The following TPD52L1 variants were observed in gnomAD, a reference collection of about 807,000 sequenced individuals.
TPD52L1 encodes tumor protein D53.
Under a neutral mutation model 28.7 loss-of-function variants are expected in TPD52L1, and 18 were observed. The ratio of observed to expected loss-of-function variants is 0.63; its 90% confidence interval spans 0.43 to 0.93. TPD52L1 has a LOEUF of 0.93. Ranked by LOEUF, TPD52L1 falls within the 40% of genes least tolerant of loss-of-function variation. TPD52L1 has a pLI of 0.00. For synonymous variants in TPD52L1, 75 were observed against 88.8 expected (o/e 0.84, Z 0.88); for missense variants, 203 against 254.8 (o/e 0.80, Z 1.39).
chr6:125,180,443 T>C (rs1284007755), intron 1 of TPD52L1, among the ~76,000 whole-genome samples: 2 of 152,100 alleles, frequency 1.3e-5, no homozygotes, highest in African/African-American at 4.8e-5. Context: ...TTTTTAAAAT[T>C]GATCAAAAAT....
chr6:125,241,853 T>A (rs1444765362), intron 3 of TPD52L1, among the ~76,000 whole-genome samples: 4 of 151,968 alleles, frequency 2.6e-5, no homozygotes, highest in African/African-American at 9.7e-5. Context: ...TTTTTTTTTT[T>A]CTTCTGCTGG....
At chr6:125,181,361 G>A (rs556424200) in intron 1 of TPD52L1, among the ~76,000 whole-genome samples, 7 of 152,142 alleles carry the variant, frequency 4.6e-5, no homozygotes, top group East Asian at 1.9e-4. Flanking sequence ...AAACATTTAC[G>A]CCAGGATACA....
intron 1 of TPD52L1, among the ~76,000 whole-genome samples, chr6:125,215,514 G>A (rs903336534): frequency 6.6e-6 from 1 of 152,168 alleles, no homozygotes; most frequent in Admixed American, 6.5e-5. Context: ...AGGATGAGGA[G>A]AGCTTAAACC....
intron 6 of TPD52L1, among the ~76,000 whole-genome samples, chr6:125,259,352 G>A (rs1797783750): frequency 6.6e-6 from 1 of 152,166 alleles, no homozygotes. Context: ...TGTACCATGT[G>A]GCACTTGTAC....
chr6:125,230,329 T>C (rs1795876055), intron 3 of TPD52L1, among the ~76,000 whole-genome samples: 1 of 152,166 alleles, frequency 6.6e-6, no homozygotes, highest in Non-Finnish European at 1.5e-5. Flanking sequence ...TCTTTTTGTG[T>C]ATTGGGGGTT....
At chr6:125,169,516 C>T (rs987768851) in intron 1 of TPD52L1, among the ~76,000 whole-genome samples, 3 of 152,202 alleles carry the variant, frequency 2.0e-5, no homozygotes, top group African/African-American at 4.8e-5. Context: ...ATGACAACTC[C>T]ATTTCAAATG....
intron 6 of TPD52L1, chr6:125,260,982 A>AAAGAAGG (rs71551733): frequency 2.2e-5 from 1 of 44,762 alleles, no homozygotes; most frequent in Admixed American, 2.7e-4. Context: ...GAAAGAAAAG[A>AAAGAAGG]AAAGAAAGAA....
At chr6:125,238,512 C>A (rs1214594143) in intron 3 of TPD52L1, among the ~76,000 whole-genome samples, 2 of 151,690 alleles carry the variant, frequency 1.3e-5, no homozygotes, top group Admixed American at 1.3e-4. Flanking sequence ...CCCCCTCGAA[C>A]CCTTTCCCCC....
intron 6 of TPD52L1, chr6:125,260,983 A>AAG (rs1361237459): frequency 7.0e-5 from 1 of 14,332 alleles, no homozygotes; most frequent in African/African-American, 4.2e-4. Flanking sequence ...AAAGAAAAGA[A>AAG]AAGAAAGAAA....
intron 1 of TPD52L1, chr6:125,154,561 C>T: frequency 1.0e-6 from 1 of 982,106 alleles, no homozygotes; most frequent in Non-Finnish European, 1.2e-6. Flanking sequence ...GATCGGGGAG[C>T]GACCTCTGCC....
intron 5 of TPD52L1, among the ~76,000 whole-genome samples, chr6:125,255,770 G>T (rs1797560473): frequency 6.6e-6 from 1 of 151,200 alleles, no homozygotes; most frequent in African/African-American, 2.4e-5. Flanking sequence ...AGAATAACAA[G>T]TGCCTTATTA....
At chr6:125,249,083 G>GA (rs557482458) in intron 4 of TPD52L1, among the ~76,000 whole-genome samples, 32 of 145,514 alleles carry the variant, frequency 2.2e-4, no homozygotes, top group East Asian at 4.0e-4. Context: ...GAGGCACCAG[G>GA]AAAAAAAAAA....
Position 125,220,080 on chromosome 6 carries a change from T to G in TPD52L1, c.22T>G (p.Leu8Val), listed in dbSNP as rs373682728. 3.7e-6 allele frequency: 6 copies of G among 1,611,312 alleles called. No individual in the cohort carries two copies. Among genetic ancestry groups the G allele is most frequent in the Non-Finnish European group, 5.1e-6 (6 of 1,177,674 alleles). Residue 8 changes from leucine to valine, a missense_variant and splice_region_variant, in exon 2 of 7, where the codon TTG becomes GTG. Coordinates refer to ENST00000534000, the MANE Select transcript of TPD52L1 (RefSeq NM_003287.4). Reference protein sequence around the residue: MEAQAQGLLETEPLQGTD... With the variant: MEAQAQGVLETEPLQGTD... Reference sequence around the variant, plus strand: ...TGTTTTATCAATTCTGCCTAAAGGTTTGTTGGAGACTGAACCGTTGCAAGG... The same window carrying G: ...TGTTTTATCAATTCTGCCTAAAGGTGTGTTGGAGACTGAACCGTTGCAAGG...
chr6:125,228,564 G>T (rs76159081), intron 2 of TPD52L1, among the ~76,000 whole-genome samples: 1,596 of 152,302 alleles, frequency 0.01, 28 homozygotes, highest in African/African-American at 0.036. Flanking sequence ...ACTGAGACCA[G>T]GCGTGGTGGC....
chr6:125,153,989 C>A lies in TPD52L1; in HGVS notation c.19+19C>A, dbSNP rs1789943108. Reference sequence around the variant, plus strand: ...GCACAAGGTGAGTGGTCGCCGATCGCCCCGAGAGTCAGGTCCTGGGGCGCG... The same window carrying A: ...GCACAAGGTGAGTGGTCGCCGATCGACCCGAGAGTCAGGTCCTGGGGCGCG... On this transcript the variant is annotated intron_variant, in intron 1 of 6. Coordinates refer to ENST00000534000, the MANE Select transcript of TPD52L1 (RefSeq NM_003287.4). 4 of 1,604,696 alleles carry A rather than the reference C, an allele frequency of 2.5e-6. No individual in the cohort carries two copies. The highest frequency in any genetic ancestry group is 2.5e-6 in the Non-Finnish European group (3 of 1,176,748).
chr6:125,197,989 A>C (rs1343414813), intron 1 of TPD52L1, among the ~76,000 whole-genome samples: 1 of 152,186 alleles, frequency 6.6e-6, no homozygotes, highest in African/African-American at 2.4e-5. Flanking sequence ...GGCTCCAGTT[A>C]AATAAGAAGC....
rs1355660603 is a variant in TPD52L1, at chr6:125,264,361, A to C, written c.*1399A>C. 1 of 152,236 alleles carries C rather than the reference A, an allele frequency of 6.6e-6. No individual in the cohort carries two copies. Among genetic ancestry groups the C allele is most frequent in the Non-Finnish European group, 1.5e-5 (1 of 68,046 alleles). The allele number at this position is 152,236 out of a possible 1,614,324, so 9.4% of individuals were successfully genotyped here. On this transcript the variant is annotated 3_prime_UTR_variant, in exon 7 of 7. Transcript: ENST00000534000. Reference sequence around the variant, plus strand: ...TTTGTGTTTATTAAATAGAAGTGATATATATGACATTTTGAAGTAAAGCAC... The same window carrying C: ...TTTGTGTTTATTAAATAGAAGTGATCTATATGACATTTTGAAGTAAAGCAC...
chr6:125,237,875 A>T (rs1158115690), intron 3 of TPD52L1, among the ~76,000 whole-genome samples: 1 of 151,874 alleles, frequency 6.6e-6, no homozygotes, highest in Non-Finnish European at 1.5e-5. Context: ...TGCCAGGCTG[A>T]TCTCTAACTC....
At chr6:125,241,429 G>C (rs1457996872) in intron 3 of TPD52L1, among the ~76,000 whole-genome samples, 1 of 152,030 alleles carries the variant, frequency 6.6e-6, no homozygotes, top group Non-Finnish European at 1.5e-5. Context: ...GATAGAATTA[G>C]CTGTGAATGT....
Sources: allele counts gnomAD v4.1 joint callset (sites outside exome capture counted in the v4.1 genomes callset), GRCh38; gene constraint gnomAD v4.1.1; transcripts MANE v1.5; gene names NCBI Gene and HGNC (gene_info 2026-07-23, HGNC 2026-07-21).